MYH4: variants seen among roughly 807,000 people sequenced by gnomAD.
The protein encoded by MYH4 is myosin-4.
In MYH4, 200 loss-of-function variants were observed where a neutral mutation model predicts 229.9. The observed-to-expected ratio is 0.87, with a 90% confidence interval of 0.78 to 0.98. MYH4 has a LOEUF of 0.98. MYH4 is among the 50% of genes least tolerant of loss of function. The probability of loss-of-function intolerance (pLI) is 0.00; values close to 1 mark genes in which losing one functional copy is unlikely to be tolerated. For synonymous variants in MYH4, 761 were observed against 834.6 expected (o/e 0.91, Z 1.52); for missense variants, 2,148 against 2,332.6 (o/e 0.92, Z 1.63).
chr17:10,457,655 C>G lies in MYH4; in HGVS notation c.1662G>C (p.Lys554Asn). ...PKATDTSFKN[K>N]LYEQHLGKSN... ...ATTTTCCAAGATGTTGTTCATACAG[C>G]TTGTTCTTGAAGGAGGTGTCTGTTG... The change falls in exon 16 of 40, where the codon AAG (lysine) becomes AAC (asparagine). Residue 554 changes from lysine to asparagine, a missense_variant. Coordinates refer to ENST00000255381, the MANE Select transcript of MYH4 (RefSeq NM_017533.2). The G allele has an allele frequency of 6.2e-7, 1 of 1,614,188 alleles. No individual in the cohort carries two copies. The highest frequency in any genetic ancestry group is 8.5e-7 in the Non-Finnish European group (1 of 1,180,032).
chr17:10,450,700 A>G, intron 29 of MYH4, 51 bp from the exon 30 acceptor site: 2 of 1,610,826 alleles, frequency 1.2e-6, no homozygotes, highest in Non-Finnish European at 1.7e-6. Context: ...GATCATTGAA[A>G]TTCTCTATGC....
At chr17:10,451,203 G>A in intron 28 of MYH4, 123 bp downstream of exon 28, 1 of 1,239,476 alleles carries the variant, frequency 8.1e-7, no homozygotes, top group Non-Finnish European at 1.1e-6. Flanking sequence ...AAAGATGGAG[G>A]AATAAGTAAG....
chr17:10,461,149 C>T, intron 11 of MYH4, 95 bp from the exon 12 acceptor site: 1 of 1,412,164 alleles, frequency 7.1e-7, no homozygotes, highest in Non-Finnish European at 9.8e-7. Flanking sequence ...CTCATCACGC[C>T]TTGCCTTATA....
intron 4 of MYH4, among the ~76,000 whole-genome samples, chr17:10,466,053 C>T (rs2072762814): frequency 6.6e-6 from 1 of 152,100 alleles, no homozygotes; most frequent in Admixed American, 6.5e-5. Flanking sequence ...GGATTACAGG[C>T]GTGAGCCACC....
rs1366396326 is a variant in MYH4 at position 10,448,111 on chromosome 17, C to T, written c.4672G>A (p.Glu1558Lys). Reference protein sequence around the residue: ...LEEAEASLEHEEGKILRIQLE... With the variant: ...LEEAEASLEHKEGKILRIQLE... ...TGAATGCGAAGAATTTTGCCTTCTT[C>T]ATGCTCAAGAGATGCCTTAATAAAA... The change falls in exon 34 of 40, where the codon GAA becomes AAA. Residue 1558 changes from glutamate to lysine, a missense_variant. Coordinates refer to ENST00000255381, the MANE Select transcript of MYH4 (RefSeq NM_017533.2). 6 of 1,612,880 alleles carry T rather than the reference C, an allele frequency of 3.7e-6. No homozygotes were observed. The highest frequency in any genetic ancestry group is 4.2e-6 in the Non-Finnish European group (5 of 1,179,394).
In MYH4 at chr17:10,459,097, CAG is replaced by C. The variant is rs144440579; in HGVS notation, c.1587+152_1587+153del. 5.3e-3 allele frequency among the ~76,000 whole-genome samples: 812 copies of C among 152,272 alleles called. 12 individuals carry two copies. Among genetic ancestry groups the C allele is most frequent in the African/African-American group, 0.018 (756 of 41,552 alleles). On this transcript the variant is annotated intron_variant, in intron 15 of 39. Transcript: ENST00000255381. ...TACAAACTGCTCTACTTATTAATAA[CAG>C]ATCACTTGGAACATACCTCACAACC... is the stretch of plus-strand genomic sequence containing the variant.
chr17:10,454,589 T>G lies in MYH4; in HGVS notation c.2657A>C (p.Gln886Pro). 1 of 1,613,916 alleles carries G rather than the reference T, an allele frequency of 6.2e-7. No homozygotes were observed. The change falls in exon 22 of 40, where the codon CAA (glutamine) becomes CCA (proline). Residue 886 changes from glutamine to proline, a missense_variant. Transcript: ENST00000255381. ...TTGGAGTTGTAAGTCATTTTTCTCT[T>G]GCATTAGCGTCACCATCTTTTCTTC... ...ELEEKMVTLMQEKNDLQLQVQ... is the reference protein window; with the variant it reads ...ELEEKMVTLMPEKNDLQLQVQ...
rs1456311398 is a variant in MYH4 at position 10,457,647 on chromosome 17, T to C, written c.1670A>G (p.Glu557Gly). ...GTTGTTGGATTTTCCAAGATGTTGTTCATACAGCTTGTTCTTGAAGGAGGT... is the reference window on the plus strand; with the variant it reads ...GTTGTTGGATTTTCCAAGATGTTGTCCATACAGCTTGTTCTTGAAGGAGGT... ...TDTSFKNKLY[E>G]QHLGKSNNFQ... Residue 557 changes from glutamate (E) to glycine (G), a missense_variant, in exon 16 of 40, where the codon GAA becomes GGA. Transcript: ENST00000255381. 5 of 1,614,098 alleles carry C rather than the reference T, an allele frequency of 3.1e-6. No individual in the cohort carries two copies. In the African/African-American group the frequency reaches 6.7e-5, roughly 22 times the overall value.
At position 10,447,123 on chromosome 17, in the gene MYH4, C is replaced by T. The variant is rs762780447; in HGVS notation, c.5059G>A (p.Ala1687Thr). 6.2e-7 allele frequency: 1 copy of T among 1,614,026 alleles called. No individual in the cohort carries two copies. The highest frequency in any genetic ancestry group is 1.7e-5 in the Admixed American group (1 of 59,994). Residue 1687 changes from alanine (A) to threonine (T), a missense_variant, in exon 35 of 40, where the codon GCT (alanine) becomes ACT (threonine). Physicochemically the swap from Ala to Thr is moderately conservative, Grantham distance 58. Coordinates refer to ENST00000255381, the MANE Select transcript of MYH4 (RefSeq NM_017533.2). ...MVERRANLMQ[A>T]EVEELRASLE... ...GATGCCCTGAGCTCTTCAACTTCAG[C>T]CTGCATCAGGTTAGCTCTGCGCTCA...
In MYH4 at chr17:10,447,009, T is replaced by C. The variant is rs755008609; in HGVS notation, c.5169+4A>G. On this transcript the variant is annotated splice_donor_region_variant and intron_variant, in intron 35 of 39. Transcript: ENST00000255381. ...ATTTTCTAAACCATAGTCTTGAACCTCACCTGAGTGTGCAGAAGTTGCACA... is the reference window on the plus strand; with the variant it reads ...ATTTTCTAAACCATAGTCTTGAACCCCACCTGAGTGTGCAGAAGTTGCACA... 3 of 1,613,428 alleles carry C rather than the reference T, an allele frequency of 1.9e-6. No individual in the cohort carries two copies. Among genetic ancestry groups the C allele is most frequent in the African/African-American group, 1.3e-5 (1 of 74,926 alleles).
rs555809076 is a variant in MYH4 at position 10,461,178 on chromosome 17, A to G, written c.1009-124T>C. 4.6e-5 allele frequency: 51 copies of G among 1,107,062 alleles called. 2 individuals are homozygous for G. The African/African-American group carries it at 6.8e-4, about 15-fold the overall frequency. The allele number at this position is 1,107,062 out of a possible 1,614,324, so 68.6% of individuals were successfully genotyped here. ...CCTTATATTTGACTAGCACTTTGCC[A>G]TCTTCAAAAGGTACTCATATGCTTT... On this transcript the variant is annotated intron_variant, in intron 11 of 39. Coordinates refer to ENST00000255381, the MANE Select transcript of MYH4 (RefSeq NM_017533.2).
In MYH4 at chr17:10,447,219, A is replaced by G. The variant is rs2072521959; in HGVS notation, c.4966-3T>C. 1.2e-6 allele frequency: 2 copies of G among 1,613,580 alleles called. No individual in the cohort carries two copies. Among genetic ancestry groups the G allele is most frequent in the Non-Finnish European group, 1.7e-6 (2 of 1,179,728 alleles). ...TCATCCAAATGTAGCTGAGTGTCCT[A>G]CACAGAAAGAGAAAAAGCCTCTTAC... On this transcript the variant is annotated splice_polypyrimidine_tract_variant and splice_region_variant and intron_variant, in intron 34 of 39. Transcript: ENST00000255381.
chr17:10,451,777 T>C (rs1419334303), intron 27 of MYH4, among the ~76,000 whole-genome samples, 164 bp downstream of exon 27: 1 of 152,226 alleles, frequency 6.6e-6, no homozygotes, highest in Non-Finnish European at 1.5e-5. Context: ...ACAAAGAAGT[T>C]AAGAGAACTT....
At chr17:10,445,810 C>T (rs921376306) in intron 35 of MYH4, among the ~76,000 whole-genome samples, 31 of 152,048 alleles carry the variant, frequency 2.0e-4, no homozygotes, top group African/African-American at 3.6e-4. Flanking sequence ...GGGCAGATCA[C>T]GGGGTCAGGA....
At chr17:10,446,947 C>T in intron 35 of MYH4, 66 bp downstream of exon 35, 1 of 1,496,336 alleles carries the variant, frequency 6.7e-7, no homozygotes, top group Non-Finnish European at 9.2e-7. Context: ...TATAAACAAG[C>T]TTATCTTCTC....
chr17:10,455,929 ATCATT>A, intron 17 of MYH4, 28 bp from the exon 18 acceptor site: 1 of 1,613,798 alleles, frequency 6.2e-7, no homozygotes, highest in Non-Finnish European at 8.5e-7. Flanking sequence ...AAGTTTTAAA[ATCATT>A]TCTAGTTGCA....
intron 39 of MYH4, among the ~76,000 whole-genome samples, chr17:10,444,102 G>A (rs1342511954): frequency 6.6e-6 from 1 of 152,088 alleles, no homozygotes; most frequent in Non-Finnish European, 1.5e-5. Context: ...AAAGTAGCAG[G>A]GATCTGAATT....
chr17:10,457,518 T>G lies in MYH4; in HGVS notation c.1799A>C (p.Asn600Thr). Residue 600 changes from asparagine (N) to threonine (T), a missense_variant, in exon 16 of 40, where the codon AAC (asparagine) becomes ACC (threonine). Asn to Thr is a moderately conservative substitution (Grantham distance 65, BLOSUM62 0). Coordinates refer to ENST00000255381, the MANE Select transcript of MYH4 (RefSeq NM_017533.2). ...DYNIAGWLDK[N>T]KDPLNETVVG... The stretch of plus-strand genomic sequence containing the variant: ...CACAGTCTCATTCAGGGGGTCCTTG[T>G]TTTTGTCCAGCCAGCCGGCGATGTT... 1 of 1,614,216 alleles carries G rather than the reference T, an allele frequency of 6.2e-7. No individual in the cohort carries two copies. The highest frequency in any genetic ancestry group is 8.5e-7 in the Non-Finnish European group (1 of 1,180,034).
Position 10,444,977 on chromosome 17 carries a change from C to G in MYH4, c.5465G>C (p.Arg1822Thr), listed in dbSNP as rs1567697453. 1.9e-6 allele frequency: 3 copies of G among 1,614,122 alleles called. No individual in the cohort carries two copies. The highest frequency in any genetic ancestry group is 1.7e-6 in the Non-Finnish European group (2 of 1,180,018). Residue 1822 changes from arginine (R) to threonine (T), a missense_variant and splice_region_variant, in exon 37 of 40, where the codon AGG becomes ACG. By Grantham distance (71) the Arg-to-Thr change is moderately conservative. Coordinates refer to ENST00000255381, the MANE Select transcript of MYH4 (RefSeq NM_017533.2). ...GKKQIQKLEA[R>T]VRELESEVES... is the part of the protein sequence containing the mutation. ...TTGAGTGAAGTTGTGGAGACCTACC[C>G]TGGCCTCCAGTTTCTGGATCTGCTT...
Sources: gnomAD v4.1 joint callset for allele counts (sites outside exome capture counted in the v4.1 genomes callset) on GRCh38, gnomAD v4.1.1 for gene constraint, MANE v1.5 for transcripts, NCBI Gene and HGNC (gene_info 2026-07-23, HGNC 2026-07-21) for gene names.